The following DPYSL2 variants were observed in gnomAD, a reference collection of about 807,000 sequenced individuals.
The protein encoded by DPYSL2 is dihydropyrimidinase like 2.
Under a neutral mutation model 69.9 loss-of-function variants are expected in DPYSL2, and 13 were observed. The ratio of observed to expected loss-of-function variants is 0.19; its 90% CI spans 0.12 to 0.30. DPYSL2 has a LOEUF of 0.30. DPYSL2 is among the 10% of genes least tolerant of loss of function. The pLI is 1.00. For synonymous variants in DPYSL2, 326 were observed against 359.1 expected, an observed-to-expected ratio of 0.91 and a Z score of 1.04; for missense variants, 587 against 918.9, an observed-to-expected ratio of 0.64 and a Z score of 4.67.
rs558444857 is a variant in DPYSL2, at chr8:26,617,652, C to T, written c.629-6491C>T. On this transcript the variant is annotated intron_variant, in intron 3 of 13. Transcript: ENST00000521913. The surrounding 1 kb of genome is among the most constrained non-coding windows in gnomAD (Gnocchi z 4.7). ...TCCAAAATGCAGAACATTAGGGAACCGCTTGAGGCAGGAGGGGAAGGAAGC... is the reference window on the plus strand; with the variant it reads ...TCCAAAATGCAGAACATTAGGGAACTGCTTGAGGCAGGAGGGGAAGGAAGC... Among the ~76,000 whole-genome samples, 6 of 152,256 alleles carry T rather than the reference C, an allele frequency of 3.9e-5. No homozygotes were observed. Among genetic ancestry groups the T allele is most frequent in the East Asian group, 1.9e-4 (1 of 5,184 alleles).
intron 1 of DPYSL2, among the ~76,000 whole-genome samples, chr8:26,552,975 C>G (rs921976275): frequency 5.9e-5 from 9 of 152,140 alleles, no homozygotes; most frequent in African/African-American, 2.2e-4. Flanking sequence ...GACAGGCCAT[C>G]ACTGCTGATC....
At chr8:26,574,753 T>C (rs1208349527) in intron 1 of DPYSL2, among the ~76,000 whole-genome samples, 1 of 152,174 alleles carries the variant, frequency 6.6e-6, no homozygotes, top group African/African-American at 2.4e-5. Context: ...AAACATTTAT[T>C]TATTTATTTA....
rs115260782 is a variant in DPYSL2 at position 26,626,122 on chromosome 8, T to A, written c.794-495T>A. On this transcript the variant is annotated intron_variant, in intron 4 of 13. Transcript: ENST00000521913. This position sits in a 1 kb window ranked among gnomAD's most constrained non-coding sequence, Gnocchi z 4.3. Reference sequence around the variant, plus strand: ...TGCAACTGGCTTATTTCATTTACCATGATGTCCTTAAGGTTTCTCCATGTT... The same window carrying A: ...TGCAACTGGCTTATTTCATTTACCAAGATGTCCTTAAGGTTTCTCCATGTT... Among the ~76,000 whole-genome samples the A allele has an allele frequency of 4.2e-3, 644 of 152,314 alleles. 7 individuals carry two copies. Among genetic ancestry groups the A allele is most frequent in the African/African-American group, 0.015 (626 of 41,558 alleles).
In DPYSL2 at chr8:26,627,149, T is replaced by G. The variant is rs1317000950; in HGVS notation, c.856-66T>G. 2.7e-6 allele frequency: 4 copies of G among 1,459,314 alleles called. No individual in the cohort carries two copies. Among genetic ancestry groups the G allele is most frequent in the Non-Finnish European group, 3.8e-6 (4 of 1,040,754 alleles). The allele number at this position is 1,459,314 out of a possible 1,614,324, so 90.4% of individuals were successfully genotyped here. A position where few individuals can be genotyped will look rare whatever the true frequency, so the allele number is the denominator to read the frequency against. ...CCCAGAAATGCCTCTGGTGGGGAGA[T>G]GATTGTCTTTGTGAACAGGAAGATG... is the stretch of plus-strand genomic sequence containing the variant. On this transcript the variant is annotated intron_variant, in intron 5 of 13. Coordinates refer to ENST00000521913, the MANE Select transcript of DPYSL2 (RefSeq NM_001197293.3). The surrounding 1 kb of genome is among the most constrained non-coding windows in gnomAD (Gnocchi z 6.9).
Position 26,653,468 on chromosome 8 carries a change from C to A in DPYSL2, c.1942+71C>A, listed in dbSNP as rs527318646. ...GCTGGTGCTGGCGAGGCTACAGTTG[C>A]ATTTGGAAAGGACACAGAAATAGAA... On this transcript the variant is annotated intron_variant, in intron 13 of 13. Coordinates refer to ENST00000521913, the MANE Select transcript of DPYSL2 (RefSeq NM_001197293.3). The surrounding 1 kb of genome is among the most constrained non-coding windows in gnomAD (Gnocchi z 5.7). 8.7e-6 allele frequency: 13 copies of A among 1,490,492 alleles called. No homozygotes were observed. The highest frequency in any genetic ancestry group is 2.1e-5 in the Admixed American group (1 of 48,664). The allele number at this position is 1,490,492 out of a possible 1,614,324, so 92.3% of individuals were successfully genotyped here. A position where few individuals can be genotyped will look rare whatever the true frequency, so the allele number is the denominator to read the frequency against.
At chr8:26,534,447 C>T (rs142256033) in intron 1 of DPYSL2, among the ~76,000 whole-genome samples, 1 of 152,188 alleles carries the variant, frequency 6.6e-6, no homozygotes, top group Non-Finnish European at 1.5e-5. Flanking sequence ...GCATAAGCCA[C>T]CATGCCCTGC....
At chr8:26,602,213 A>G (rs1802010046) in intron 3 of DPYSL2, among the ~76,000 whole-genome samples, 1 of 150,582 alleles carries the variant, frequency 6.6e-6, no homozygotes, top group African/African-American at 2.4e-5. Flanking sequence ...AATATTATTA[A>G]GACTTTTTTG....
rs17055454 is a variant in DPYSL2 at position 26,560,597 on chromosome 8, A to G, written c.355-21372A>G. 0.017 allele frequency among the ~76,000 whole-genome samples: 2,535 copies of G among 152,242 alleles called. 66 individuals carry two copies. Among genetic ancestry groups the G allele is most frequent in the African/African-American group, 0.056 (2,318 of 41,542 alleles). Reference sequence around the variant, plus strand: ...AGGGCTTCCTCTCTCCCAAGCAGAAATAATGGGTCTTGGTGATACCCAATA... The same window carrying G: ...AGGGCTTCCTCTCTCCCAAGCAGAAGTAATGGGTCTTGGTGATACCCAATA... On this transcript the variant is annotated intron_variant, in intron 1 of 13. Transcript: ENST00000521913. This position sits in a 1 kb window ranked among gnomAD's most constrained non-coding sequence, Gnocchi z 4.4.
Position 26,644,065 on chromosome 8 carries a change from A to T in DPYSL2, c.1399A>T (p.Met467Leu). The change falls in exon 10 of 14, where the codon ATG becomes TTG. Residue 467 changes from methionine (M) to leucine (L), a missense_variant. By Grantham distance (15) the Met-to-Leu change is conservative. Around this residue, in one of 3 missense-constraint regions of DPYSL2, gnomAD observed 452 missense variants for 754.3 expected, o/e 0.60. Transcript: ENST00000521913. The surrounding 1 kb of genome is among the most constrained non-coding windows in gnomAD (Gnocchi z 4.5). Reference sequence around the variant, plus strand: ...GGGCACCAATGGCACTGAGGAGCGGATGTCCGTCATCTGGGACAAGGCTGT... The same window carrying T: ...GGGCACCAATGGCACTGAGGAGCGGTTGTCCGTCATCTGGGACAAGGCTGT... ...PEGTNGTEER[M>L]SVIWDKAVVT... is the part of the protein sequence containing the mutation. 1 of 1,614,212 alleles carries T rather than the reference A, an allele frequency of 6.2e-7. No individual in the cohort carries two copies. The highest frequency in any genetic ancestry group is 8.5e-7 in the Non-Finnish European group (1 of 1,180,024).
At position 26,627,225 on chromosome 8, in the gene DPYSL2, T is replaced by C; in HGVS notation, c.866T>C (p.Val289Ala). The C allele has an allele frequency of 6.2e-7, 1 of 1,614,154 alleles. No individual in the cohort carries two copies. The highest frequency in any genetic ancestry group is 8.5e-7 in the Non-Finnish European group (1 of 1,179,998). Reference sequence around the variant, plus strand: ...TTGTCTCTCTCTCAGATTTATGAAGTACTGAGTGTGATCCGGGATATTGGC... The same window carrying C: ...TTGTCTCTCTCTCAGATTTATGAAGCACTGAGTGTGATCCGGGATATTGGC... ...FQLTDCQIYEVLSVIRDIGAI... is the reference protein window; with the variant it reads ...FQLTDCQIYEALSVIRDIGAI... The change falls in exon 6 of 14, where the codon GTA becomes GCA. Residue 289 changes from valine (V) to alanine (A), a missense_variant. Val to Ala is a moderately conservative substitution (Grantham distance 64). This residue lies in a region of DPYSL2 where 452 missense variants were observed against 754.3 expected (regional missense o/e 0.60). Coordinates refer to ENST00000521913, the MANE Select transcript of DPYSL2 (RefSeq NM_001197293.3). This position sits in a 1 kb window ranked among gnomAD's most constrained non-coding sequence, Gnocchi z 6.9.
At position 26,640,008 on chromosome 8, in the gene DPYSL2, A is replaced by G. The variant is rs1803004796; in HGVS notation, c.1127-3431A>G. Among the ~76,000 whole-genome samples the G allele has an allele frequency of 6.6e-6, 1 of 152,202 alleles. No individual in the cohort carries two copies. The highest frequency in any genetic ancestry group is 1.5e-5 in the Non-Finnish European group (1 of 68,034). ...CTGGCATAAATTCTTGGAAAGGCAA[A>G]GGAGAATGGTGAGAGCGTGTGTAAC... is the stretch of plus-strand genomic sequence containing the variant. On this transcript the variant is annotated intron_variant, in intron 8 of 13. Coordinates refer to ENST00000521913, the MANE Select transcript of DPYSL2 (RefSeq NM_001197293.3). This position sits in a 1 kb window ranked among gnomAD's most constrained non-coding sequence, Gnocchi z 4.2.
At position 26,617,815 on chromosome 8, in the gene DPYSL2, A is replaced by AGATT. The variant is rs1440483702; in HGVS notation, c.629-6324_629-6321dup. ...AAACAAATCTATGGAGACGGGAAGT[A>AGATT]GATTGATGGTGGCCAGGGTTTGGGA... On this transcript the variant is annotated intron_variant, in intron 3 of 13. Transcript: ENST00000521913. This position sits in a 1 kb window ranked among gnomAD's most constrained non-coding sequence, Gnocchi z 4.7. Among the ~76,000 whole-genome samples, 5 of 152,204 alleles carry AGATT rather than the reference A, an allele frequency of 3.3e-5. No homozygotes were observed. The highest frequency in any genetic ancestry group is 5.9e-5 in the Non-Finnish European group (4 of 68,042).
Position 26,627,206 on chromosome 8 carries a change from C to G in DPYSL2, c.856-9C>G, listed in dbSNP as rs148583015. ...CCTGTCTCTGATCCCACCCTTGTCT[C>G]TCTCTCAGATTTATGAAGTACTGAG... On this transcript the variant is annotated splice_polypyrimidine_tract_variant and intron_variant, in intron 5 of 13. Coordinates refer to ENST00000521913, the MANE Select transcript of DPYSL2 (RefSeq NM_001197293.3). The surrounding 1 kb of genome is among the most constrained non-coding windows in gnomAD (Gnocchi z 6.9). 2.1e-5 allele frequency: 34 copies of G among 1,614,004 alleles called. No homozygotes were observed. In the African/African-American group the frequency reaches 4.0e-4, roughly 19 times the overall value.
chr8:26,554,297 T>C (rs182474042), intron 1 of DPYSL2, among the ~76,000 whole-genome samples: 1 of 152,144 alleles, frequency 6.6e-6, no homozygotes, highest in Non-Finnish European at 1.5e-5. Flanking sequence ...TTTTTTCACA[T>C]GCTTTTTGGC....
chr8:26,643,345 C>G lies in DPYSL2; in HGVS notation c.1127-94C>G. 7.4e-7 allele frequency: 1 copy of G among 1,357,540 alleles called. No individual in the cohort carries two copies. The highest frequency in any genetic ancestry group is 1.0e-6 in the Non-Finnish European group (1 of 996,214). 84.1% of individuals were successfully genotyped at this position (1,357,540 alleles called of 1,614,324 possible). A position where few individuals can be genotyped will look rare whatever the true frequency, so the allele number is the denominator to read the frequency against. ...TTCCTATAAAGGGATAGTGAGTGCACTGGGTGCTGCTGGGCAGGCAGTGGC... is the reference window on the plus strand; with the variant it reads ...TTCCTATAAAGGGATAGTGAGTGCAGTGGGTGCTGCTGGGCAGGCAGTGGC... On this transcript the variant is annotated intron_variant, in intron 8 of 13. Coordinates refer to ENST00000521913, the MANE Select transcript of DPYSL2 (RefSeq NM_001197293.3). The surrounding 1 kb of genome is among the most constrained non-coding windows in gnomAD (Gnocchi z 6.5).
intron 3 of DPYSL2, among the ~76,000 whole-genome samples, chr8:26,622,090 TTTCCTTCCTTCC>T (rs59707085): frequency 0.025 from 1,592 of 64,254 alleles, 42 homozygotes; most frequent in Non-Finnish European, 0.036. Context: ...TCTTTCTTTC[TTTCCTTCCTTCC>T]TTCCTTCCTT....
At chr8:26,608,340 A>C (rs939045261) in intron 3 of DPYSL2, among the ~76,000 whole-genome samples, 16 of 152,208 alleles carry the variant, frequency 1.1e-4, no homozygotes, top group African/African-American at 3.6e-4. Flanking sequence ...GAGTCATGGA[A>C]GATTTTATTT....
rs1372464334 is a variant in DPYSL2 at position 26,648,175 on chromosome 8, C to A, written c.1596+375C>A. Reference sequence around the variant, plus strand: ...GGACCTCAATGAAGCAGTGAGATGTCCTCTCCTGAGATGCCCACTGGGGAC... The same window carrying A: ...GGACCTCAATGAAGCAGTGAGATGTACTCTCCTGAGATGCCCACTGGGGAC... On this transcript the variant is annotated intron_variant, in intron 11 of 13. Transcript: ENST00000521913. This position sits in a 1 kb window ranked among gnomAD's most constrained non-coding sequence, Gnocchi z 4.3. Among the ~76,000 whole-genome samples, 1 of 152,150 alleles carries A rather than the reference C, an allele frequency of 6.6e-6. No homozygotes were observed. The highest frequency in any genetic ancestry group is 2.4e-5 in the African/African-American group (1 of 41,428).
chr8:26,570,060 A>G (rs1801213354), intron 1 of DPYSL2, among the ~76,000 whole-genome samples: 1 of 152,168 alleles, frequency 6.6e-6, no homozygotes, highest in Admixed American at 6.5e-5. Context: ...TTAAAAAAGA[A>G]GGGCAAGATC....
Sources: allele counts gnomAD v4.1 joint callset (sites outside exome capture counted in the v4.1 genomes callset), GRCh38; gene constraint gnomAD v4.1.1; regional missense constraint gnomAD v4.1.1; non-coding constraint Gnocchi (gnomAD v3.1); transcripts MANE v1.5; gene names NCBI Gene and HGNC (gene_info 2026-07-23, HGNC 2026-07-21).